Variants in KIF2A observed in about 807,000 individuals in gnomAD.
KIF2A encodes the protein kinesin-like protein KIF2A.
KIF2A carries 22 observed loss-of-function variants against 100.2 expected under a neutral mutation model. The ratio of observed to expected loss-of-function variants is 0.22; its 90% CI spans 0.16 to 0.31. The LOEUF (loss-of-function observed/expected upper bound fraction) is 0.31. Ranked by LOEUF, KIF2A falls within the 10% of genes least tolerant of loss-of-function variation. The probability of loss-of-function intolerance (pLI) is 1.00; values close to 1 mark genes in which losing one functional copy is unlikely to be tolerated. For missense variants in KIF2A, 495 were observed against 898.7 expected, an observed-to-expected ratio of 0.55 and a Z score of 5.74; for synonymous variants, 268 against 285.9, an observed-to-expected ratio of 0.94 and a Z score of 0.63.
intron 13 of KIF2A, 98 bp downstream of exon 13, chr5:62,363,418 G>T: frequency 8.7e-7 from 1 of 1,150,588 alleles, no homozygotes; most frequent in Non-Finnish European, 1.2e-6. Flanking sequence ...CATCTTGGAA[G>T]TAAAAATCAT....
intron 19 of KIF2A, among the ~76,000 whole-genome samples, chr5:62,379,132 T>C (rs1192066503): frequency 6.6e-6 from 1 of 152,028 alleles, no homozygotes; most frequent in Non-Finnish European, 1.5e-5. Flanking sequence ...AAAAGAAAAG[T>C]GTCATATGTG....
chr5:62,370,137 G>A (rs188969842), intron 16 of KIF2A, among the ~76,000 whole-genome samples: 19 of 152,326 alleles, frequency 1.2e-4, no homozygotes, highest in Admixed American at 1.2e-3. Context: ...CGGTTAGACA[G>A]ATGTGAAAGC....
intron 1 of KIF2A, among the ~76,000 whole-genome samples, chr5:62,333,742 G>A (rs942041115): frequency 2.6e-5 from 4 of 152,124 alleles, no homozygotes; most frequent in African/African-American, 9.7e-5. Flanking sequence ...ACTATCTCCT[G>A]GGACAATTTC....
At chr5:62,344,968 G>A (rs1281890493) in intron 1 of KIF2A, among the ~76,000 whole-genome samples, 6 of 152,132 alleles carry the variant, frequency 3.9e-5, no homozygotes, top group African/African-American at 1.4e-4. Context: ...CCACAAGGCC[G>A]GGCGTGGTGG....
intron 4 of KIF2A, among the ~76,000 whole-genome samples, chr5:62,350,342 A>C (rs566088949): frequency 3.1e-4 from 47 of 151,982 alleles, no homozygotes; most frequent in Non-Finnish European, 6.2e-4. Context: ...CATTGGCATG[A>C]ACACAGCTCA....
chr5:62,310,923 G>T (rs1403568625), intron 1 of KIF2A, among the ~76,000 whole-genome samples: 3 of 151,850 alleles, frequency 2.0e-5, no homozygotes, highest in African/African-American at 7.3e-5. Context: ...ACTACCCTTT[G>T]GGGACTGGGG....
At chr5:62,326,195 C>G (rs1746370968) in intron 1 of KIF2A, among the ~76,000 whole-genome samples, 1 of 152,104 alleles carries the variant, frequency 6.6e-6, no homozygotes, top group Admixed American at 6.5e-5. Flanking sequence ...AGGTACTATC[C>G]CATGTATTTC....
chr5:62,369,697 A>T (rs1482829916), intron 16 of KIF2A, among the ~76,000 whole-genome samples: 1 of 152,128 alleles, frequency 6.6e-6, no homozygotes, highest in African/African-American at 2.4e-5. Flanking sequence ...AACAGCCAAA[A>T]ATAATTCATT....
chr5:62,347,175 A>G lies in KIF2A; in HGVS notation c.110A>G (p.Glu37Gly), dbSNP rs546664729. ...AMVTSLNEDN[E>G]SVTVEWIENG... is the part of the protein sequence containing the mutation. Reference sequence around the variant, plus strand: ...GTAACATCTTTAAATGAAGATAATGAAAGTGTAACTGTTGAATGGATAGAA... The same window carrying G: ...GTAACATCTTTAAATGAAGATAATGGAAGTGTAACTGTTGAATGGATAGAA... The change falls in exon 2 of 21, where the codon GAA becomes GGA. Residue 37 changes from glutamate to glycine, a missense_variant. Transcript: ENST00000407818. The G allele has an allele frequency of 7.5e-6, 12 of 1,604,350 alleles. No individual in the cohort carries two copies. The South Asian group carries it at 1.1e-4, about 15-fold the overall frequency.
intron 7 of KIF2A, 90 bp downstream of exon 7, chr5:62,355,344 C>A: frequency 1.5e-6 from 1 of 673,980 alleles, no homozygotes; most frequent in South Asian, 2.0e-5. Context: ...TTGTGTTCAG[C>A]TATGTAGTTT....
At chr5:62,324,634 T>C (rs751072234) in intron 1 of KIF2A, among the ~76,000 whole-genome samples, 1 of 152,210 alleles carries the variant, frequency 6.6e-6, no homozygotes, top group Non-Finnish European at 1.5e-5. Context: ...CAGTAAATGG[T>C]GCTGGGGAAA....
rs754834210 is a variant in KIF2A, at chr5:62,361,237, T to G, written c.873-5T>G. 13 of 1,560,102 alleles carry G rather than the reference T, an allele frequency of 8.3e-6. No homozygotes were observed. The highest frequency in any genetic ancestry group is 1.1e-5 in the Non-Finnish European group (13 of 1,140,146). Reference sequence around the variant, plus strand: ...ACATTCTGACTGATGCATTTTATTTTTAAGGTTTACTGCTAGACCACTAGT... The same window carrying G: ...ACATTCTGACTGATGCATTTTATTTGTAAGGTTTACTGCTAGACCACTAGT... On this transcript the variant is annotated splice_region_variant and splice_polypyrimidine_tract_variant and intron_variant, in intron 9 of 20. Coordinates refer to ENST00000407818, the MANE Select transcript of KIF2A (RefSeq NM_001098511.3).
At chr5:62,345,629 C>G (rs542401319) in intron 1 of KIF2A, among the ~76,000 whole-genome samples, 1 of 152,228 alleles carries the variant, frequency 6.6e-6, no homozygotes, top group African/African-American at 2.4e-5. Context: ...GAGACTCTGT[C>G]TCTGTTGAAA....
At chr5:62,377,138 TATAA>T (rs1348912380) in intron 18 of KIF2A, among the ~76,000 whole-genome samples, 3 of 150,716 alleles carry the variant, frequency 2.0e-5, no homozygotes, top group Admixed American at 1.3e-4. Flanking sequence ...TAAAAACTGG[TATAA>T]ATATATTCTG....
chr5:62,337,836 T>C (rs1747052425), intron 1 of KIF2A, among the ~76,000 whole-genome samples: 1 of 151,086 alleles, frequency 6.6e-6, no homozygotes, highest in Non-Finnish European at 1.5e-5. Flanking sequence ...AAAGTAGCTT[T>C]GAGAAAGGAA....
chr5:62,328,572 A>G (rs940570123), intron 1 of KIF2A, among the ~76,000 whole-genome samples: 2 of 152,092 alleles, frequency 1.3e-5, no homozygotes, highest in Non-Finnish European at 2.9e-5. Flanking sequence ...GCTCAGTGCA[A>G]CCACTGCCTC....
In KIF2A at chr5:62,366,627, C is replaced by G. The variant is rs181775927; in HGVS notation, c.1646+146C>G. 1.1e-5 allele frequency: 6 copies of G among 531,104 alleles called. No individual in the cohort carries two copies. The South Asian group carries it at 1.3e-4, about 11-fold the overall frequency. 32.9% of individuals were successfully genotyped at this position (531,104 alleles called of 1,614,324 possible). A position where few individuals can be genotyped will look rare whatever the true frequency, so the allele number is the denominator to read the frequency against. On this transcript the variant is annotated intron_variant, in intron 16 of 20. Transcript: ENST00000407818. ...CGGGCGGATCACAAGGTCAGGAGATCGAGATTATCCTGGCTAACATGGTGA... is the reference window on the plus strand; with the variant it reads ...CGGGCGGATCACAAGGTCAGGAGATGGAGATTATCCTGGCTAACATGGTGA...
At chr5:62,321,054 G>C (rs1329347191) in intron 1 of KIF2A, among the ~76,000 whole-genome samples, 1 of 152,130 alleles carries the variant, frequency 6.6e-6, no homozygotes, top group Non-Finnish European at 1.5e-5. Flanking sequence ...TTAGTGTATA[G>C]CATCTGTCAC....
intron 16 of KIF2A, among the ~76,000 whole-genome samples, chr5:62,371,268 A>C (rs1741313073): frequency 6.6e-6 from 1 of 152,158 alleles, no homozygotes; most frequent in Non-Finnish European, 1.5e-5. Flanking sequence ...AGGAAAAAAA[A>C]CATATTTAGA....
Sources: allele counts gnomAD v4.1 joint callset (sites outside exome capture counted in the v4.1 genomes callset), GRCh38; gene constraint gnomAD v4.1.1; transcripts MANE v1.5; gene names NCBI Gene and HGNC (gene_info 2026-07-23, HGNC 2026-07-21).